AMZ2: variants seen among roughly 807,000 people sequenced by gnomAD.
AMZ2 encodes archaelysin family metallopeptidase 2.
Under a neutral mutation model 36.7 loss-of-function variants are expected in AMZ2, and 26 were observed. The ratio of observed to expected loss-of-function variants is 0.71; its 90% CI spans 0.52 to 0.98. AMZ2 has a LOEUF of 0.98. Ranked by LOEUF, AMZ2 falls within the 50% of genes least tolerant of loss-of-function variation. The pLI, the probability that AMZ2 is intolerant of heterozygous loss-of-function variation, is 0.00. For synonymous variants in AMZ2, 144 were observed against 149.1 expected, an observed-to-expected ratio of 0.97 and a Z score of 0.25; for missense variants, 394 against 430.5, an observed-to-expected ratio of 0.92 and a Z score of 0.75.
intron 1 of AMZ2, among the ~76,000 whole-genome samples, chr17:68,225,871 AC>A (rs1395911822): frequency 1.3e-5 from 2 of 152,006 alleles, no homozygotes; most frequent in South Asian, 2.1e-4. Context: ...TGATCCACCC[AC>A]CTTGGCCTCC....
chr17:68,223,785 C>T (rs12936211), intron 1 of AMZ2, among the ~76,000 whole-genome samples: 3 of 150,934 alleles, frequency 2.0e-5, no homozygotes, highest in South Asian at 2.1e-4. Context: ...GTGTGATCTT[C>T]GCTCACTGCA....
intron 4 of AMZ2, 154 bp downstream of exon 4, chr17:68,251,332 T>C (rs2074454373): frequency 1.2e-6 from 1 of 836,268 alleles, no homozygotes; most frequent in Non-Finnish European, 1.8e-6. Context: ...GTGCTGTTGG[T>C]AGATTGTGAT....
chr17:68,256,021 T>A, intron 6 of AMZ2, 145 bp downstream of exon 6: 1 of 919,024 alleles, frequency 1.1e-6, no homozygotes, highest in Non-Finnish European at 1.6e-6. Context: ...TTTAAAAATG[T>A]GAAGAAATGC....
chr17:68,247,041 TAA>T (rs112043600), upstream of AMZ2: 4 of 137,390 alleles, frequency 2.9e-5, no homozygotes, highest in South Asian at 2.3e-4. Context: ...AAACCCGTAT[TAA>T]AAAAAAAAAA....
chr17:68,214,240 T>C (rs2073139289), intron 1 of AMZ2, among the ~76,000 whole-genome samples: 1 of 152,160 alleles, frequency 6.6e-6, no homozygotes, highest in African/African-American at 2.4e-5. Flanking sequence ...ATGATTTTCA[T>C]TGTCTCTTTT....
rs2144717917 is a variant in AMZ2 at position 68,250,382 on chromosome 17, G to C, written c.195G>C (p.Glu65Asp). The C allele has an allele frequency of 6.2e-7, 1 of 1,614,130 alleles. No individual in the cohort carries two copies. ...SPSDWITSHPEAPQDFEQFFS... is the reference protein window; with the variant it reads ...SPSDWITSHPDAPQDFEQFFS... The stretch of plus-strand genomic sequence containing the variant: ...CAGATTGGATCACCTCCCACCCTGA[G>C]GCTCCCCAAGACTTTGAACAGTTCT... Residue 65 changes from glutamate to aspartate, a missense_variant, in exon 2 of 7, where the codon GAG becomes GAC. Transcript: ENST00000359904.
At chr17:68,217,612 C>G (rs1342272410) in intron 1 of AMZ2, among the ~76,000 whole-genome samples, 1 of 152,004 alleles carries the variant, frequency 6.6e-6, no homozygotes, top group East Asian at 1.9e-4. Context: ...TTTAACTGTA[C>G]TTTTGTGGTA....
Position 68,250,486 on chromosome 17 carries a change from G to A in AMZ2, c.283+16G>A, listed in dbSNP as rs782112781. ...CAGTCCATTGGTAAATACTGGTAAT[G>A]TGCTGGTTTTGGTTCAGTTTTGCAG... On this transcript the variant is annotated intron_variant, in intron 2 of 6. Coordinates refer to ENST00000359904, the MANE Select transcript of AMZ2 (RefSeq NM_016627.5). 6.2e-7 allele frequency: 1 copy of A among 1,610,162 alleles called. No homozygotes were observed. Among genetic ancestry groups the A allele is most frequent in the Non-Finnish European group, 8.5e-7 (1 of 1,177,572 alleles).
At chr17:68,229,817 C>T (rs1384467906) in intron 1 of AMZ2, among the ~76,000 whole-genome samples, 3 of 152,126 alleles carry the variant, frequency 2.0e-5, no homozygotes, top group Non-Finnish European at 4.4e-5. Flanking sequence ...GGTGTAGCTC[C>T]GGAGTCCGGA....
At chr17:68,218,472 G>A (rs1446133457) in intron 1 of AMZ2, among the ~76,000 whole-genome samples, 4 of 152,134 alleles carry the variant, frequency 2.6e-5, no homozygotes, top group Non-Finnish European at 5.9e-5. Flanking sequence ...TACAACAGGT[G>A]TGAACCACCA....
intron 1 of AMZ2, among the ~76,000 whole-genome samples, chr17:68,211,432 G>A (rs1483361837): frequency 2.0e-5 from 3 of 151,694 alleles, no homozygotes; most frequent in Non-Finnish European, 4.4e-5. Flanking sequence ...GAACCTGGGA[G>A]GTGGAGATTG....
In AMZ2 at chr17:68,251,084, T is replaced by G. The variant is rs2074427536; in HGVS notation, c.492T>G (p.Pro164=). 1.9e-6 allele frequency: 3 copies of G among 1,611,300 alleles called. No individual in the cohort carries two copies. The highest frequency in any genetic ancestry group is 2.5e-6 in the Non-Finnish European group (3 of 1,179,416). Residue 164 remains proline (P), a synonymous_variant, in exon 4 of 7, where the codon CCT becomes CCG. Transcript: ENST00000359904. ...TGAAGTTCTTGAAAAAGAAGAAACC[T>G]GAAGATGCCTTCTGTGTTGTGGGAA... ...DILKFLKKKK[P]EDAFCVVGIT...
chr17:68,221,335 A>G (rs1171294023), intron 1 of AMZ2, among the ~76,000 whole-genome samples: 1 of 151,074 alleles, frequency 6.6e-6, no homozygotes, highest in African/African-American at 2.4e-5. Context: ...ACTTTTGTGG[A>G]AGAGAAGGCA....
intron 1 of AMZ2, among the ~76,000 whole-genome samples, chr17:68,229,464 G>A (rs2073606543): frequency 6.6e-6 from 1 of 152,216 alleles, no homozygotes; most frequent in African/African-American, 2.4e-5. Context: ...TGTCTGGCTG[G>A]AAGGCACAGA....
chr17:68,238,796 C>T (rs1257093807), intron 1 of AMZ2, among the ~76,000 whole-genome samples: 8 of 152,132 alleles, frequency 5.3e-5, no homozygotes, highest in Non-Finnish European at 1.2e-4. Flanking sequence ...ACATTTGTTC[C>T]GGGAAAGAGT....
chr17:68,221,467 C>T (rs1424146991), intron 1 of AMZ2, among the ~76,000 whole-genome samples: 2 of 152,064 alleles, frequency 1.3e-5, no homozygotes, highest in Admixed American at 6.5e-5. Flanking sequence ...CGGTGGCTCA[C>T]GCCTGTAATC....
chr17:68,219,698 A>ATT (rs71142147), intron 1 of AMZ2, among the ~76,000 whole-genome samples: 32,088 of 141,700 alleles, frequency 0.23, 5,090 homozygotes, highest in African/African-American at 0.44. Flanking sequence ...CATCTGGCAA[A>ATT]TTTTTTTTTT....
chr17:68,250,110 G>T, intron 1 of AMZ2, 78 bp from the exon 2 acceptor site: 2 of 1,448,700 alleles, frequency 1.4e-6, no homozygotes, highest in Non-Finnish European at 1.9e-6. Context: ...AGAAATCAGA[G>T]CTGAAATATA....
At chr17:68,234,800 AAGAT>A (rs1421186334) in intron 1 of AMZ2, among the ~76,000 whole-genome samples, 6 of 152,018 alleles carry the variant, frequency 3.9e-5, no homozygotes, top group South Asian at 2.1e-4. Context: ...AAAAAAAAAA[AAGAT>A]AGCTAGGAGA....
Sources: allele counts gnomAD v4.1 joint callset (sites outside exome capture counted in the v4.1 genomes callset), GRCh38; gene constraint gnomAD v4.1.1; transcripts MANE v1.5; gene names NCBI Gene and HGNC (gene_info 2026-07-23, HGNC 2026-07-21).